The following FSTL4 variants were observed in gnomAD, a reference collection of about 807,000 sequenced individuals.
FSTL4 encodes the protein follistatin-related protein 4.
Under a neutral mutation model 78.2 loss-of-function variants are expected in FSTL4, and 28 were observed. The ratio of observed to expected loss-of-function variants is 0.36; its 90% CI spans 0.27 to 0.49. FSTL4 has a LOEUF of 0.49. Among genes scored for constraint, FSTL4 ranks in the 20% least tolerant of loss-of-function variants. FSTL4 has a pLI of 0.98. For missense variants in FSTL4, 922 were observed against 1,084.9 expected, an observed-to-expected ratio of 0.85 and a Z score of 2.11; for synonymous variants, 422 against 440.5, an observed-to-expected ratio of 0.96 and a Z score of 0.53.
Position 133,264,502 on chromosome 5 carries a change from C to T in FSTL4, c.728-14926G>A, listed in dbSNP as rs144060207. On this transcript the variant is annotated intron_variant, in intron 6 of 15. Coordinates refer to ENST00000265342, the MANE Select transcript of FSTL4 (RefSeq NM_015082.2). Reference sequence around the variant, plus strand: ...TCCTGCAGACACCAGGCTTGGGGGGCTCACCTGCCGTTCCTGGTGGTGGAG... The same window carrying T: ...TCCTGCAGACACCAGGCTTGGGGGGTTCACCTGCCGTTCCTGGTGGTGGAG... Among the ~76,000 whole-genome samples the T allele has an allele frequency of 6.2e-3, 938 of 152,264 alleles. 14 individuals carry two copies. Among genetic ancestry groups the T allele is most frequent in the African/African-American group, 0.022 (896 of 41,556 alleles).
chr5:133,764,743 C>T, the FSTL4 span, among the ~76,000 whole-genome samples: 2 of 152,182 alleles, frequency 1.3e-5, no homozygotes, highest in East Asian at 1.9e-4. Context: ...GTTCAAATAC[C>T]ACCATGATCT....
At chr5:133,791,221 C>T in the FSTL4 span, among the ~76,000 whole-genome samples, 2 of 152,034 alleles carry the variant, frequency 1.3e-5, no homozygotes, top group Non-Finnish European at 2.9e-5. Context: ...ATCATCTTCC[C>T]AGAGAAGTCT....
intron 3 of FSTL4, among the ~76,000 whole-genome samples, chr5:133,417,783 C>T (rs562904142): frequency 5.2e-4 from 79 of 151,356 alleles, no homozygotes; most frequent in African/African-American, 1.7e-3. Context: ...CAAGGTGAAA[C>T]CCCCATCTCT....
chr5:133,403,029 G>A (rs1756274205), intron 3 of FSTL4, among the ~76,000 whole-genome samples: 1 of 152,246 alleles, frequency 6.6e-6, no homozygotes, highest in Non-Finnish European at 1.5e-5. Context: ...TTGCCATGGA[G>A]CATATTTGAT....
intron 7 of FSTL4, among the ~76,000 whole-genome samples, chr5:133,240,302 T>C (rs1751809924): frequency 6.6e-6 from 1 of 152,190 alleles, no homozygotes; most frequent in African/African-American, 2.4e-5. Context: ...CCGGACATAA[T>C]AGACGGACTT....
chr5:133,333,760 C>T (rs946900775), intron 4 of FSTL4, among the ~76,000 whole-genome samples: 1 of 152,224 alleles, frequency 6.6e-6, no homozygotes, highest in African/African-American at 2.4e-5. Context: ...CAGAGGCTGA[C>T]CTGCACTGCG....
chr5:133,328,412 G>C (rs975605604), intron 4 of FSTL4, among the ~76,000 whole-genome samples: 4 of 152,160 alleles, frequency 2.6e-5, no homozygotes, highest in African/African-American at 9.7e-5. Context: ...ATTCCTATTA[G>C]AGAAAGCAAA....
intron 2 of FSTL4, among the ~76,000 whole-genome samples, chr5:133,593,497 C>T (rs1199906506): frequency 6.6e-6 from 1 of 152,052 alleles, no homozygotes; most frequent in Non-Finnish European, 1.5e-5. Flanking sequence ...ATGCAGGTGA[C>T]ACCTAGAGAC....
At chr5:133,260,402 G>A (rs1463277098) in intron 6 of FSTL4, among the ~76,000 whole-genome samples, 1 of 152,228 alleles carries the variant, frequency 6.6e-6, no homozygotes, top group Non-Finnish European at 1.5e-5. Context: ...GGCATCTGCA[G>A]ACCATTTTGA....
chr5:133,563,335 C>A (rs1759961176), intron 3 of FSTL4, among the ~76,000 whole-genome samples: 1 of 152,216 alleles, frequency 6.6e-6, no homozygotes, highest in South Asian at 2.1e-4. Context: ...GGTACAAACA[C>A]CCTTGGATGT....
intron 3 of FSTL4, among the ~76,000 whole-genome samples, chr5:133,477,807 G>GAA (rs1757954040): frequency 1.3e-5 from 2 of 152,018 alleles, no homozygotes; most frequent in South Asian, 4.1e-4. Context: ...CTTTTCCTGA[G>GAA]AAGTGCCAAT....
chr5:133,808,693 C>T, the FSTL4 span, among the ~76,000 whole-genome samples: 1 of 152,160 alleles, frequency 6.6e-6, no homozygotes, highest in African/African-American at 2.4e-5. Flanking sequence ...CACATCTCCC[C>T]CAAAGTCAGT....
chr5:133,272,712 T>C (rs757238388), intron 6 of FSTL4, among the ~76,000 whole-genome samples: 9 of 152,220 alleles, frequency 5.9e-5, no homozygotes, highest in South Asian at 2.1e-4. Flanking sequence ...ACTCTTCCGA[T>C]TTTATTAGTC....
chr5:133,455,850 G>A (rs1209826294), intron 3 of FSTL4, among the ~76,000 whole-genome samples: 1 of 152,244 alleles, frequency 6.6e-6, no homozygotes, highest in Non-Finnish European at 1.5e-5. Context: ...CTGCAAACCT[G>A]TGCTGGCCTC....
At chr5:133,727,168 G>C in the FSTL4 span, among the ~76,000 whole-genome samples, 14 of 152,080 alleles carry the variant, frequency 9.2e-5, no homozygotes, top group African/African-American at 2.9e-4. Flanking sequence ...AGAAGTAGCA[G>C]GACAGAAAAT....
At chr5:133,527,125 C>T (rs765746058) in intron 3 of FSTL4, among the ~76,000 whole-genome samples, 1 of 152,170 alleles carries the variant, frequency 6.6e-6, no homozygotes, top group African/African-American at 2.4e-5. Flanking sequence ...CATGTCCTCT[C>T]GTCTCTTGTT....
chr5:133,805,950 C>T, the FSTL4 span, among the ~76,000 whole-genome samples: 41,926 of 152,050 alleles, frequency 0.28, 6,178 homozygotes, highest in East Asian at 0.61. Context: ...CCCCCCAACC[C>T]CCGATCAGAA....
intron 3 of FSTL4, among the ~76,000 whole-genome samples, chr5:133,527,501 A>ACACC (rs1554068703): frequency 1.1e-4 from 16 of 150,932 alleles, no homozygotes; most frequent in African/African-American, 3.7e-4. Flanking sequence ...ACACACACAC[A>ACACC]CCCATAAGTG....
intron 3 of FSTL4, among the ~76,000 whole-genome samples, chr5:133,413,394 C>T (rs1756518307): frequency 6.6e-6 from 1 of 152,034 alleles, no homozygotes; most frequent in South Asian, 2.1e-4. Context: ...TGCCCTCTGG[C>T]TTTGTTGAGA....
Sources: allele counts gnomAD v4.1 joint callset (sites outside exome capture counted in the v4.1 genomes callset), GRCh38; gene constraint gnomAD v4.1.1; transcripts MANE v1.5; gene names NCBI Gene and HGNC (gene_info 2026-07-23, HGNC 2026-07-21).